Variants in JMJD1C observed in about 807,000 individuals in gnomAD.
JMJD1C encodes the protein jumonji domain containing 1C.
Under a neutral mutation model 245.3 loss-of-function variants are expected in JMJD1C, and 31 were observed. That is an observed-to-expected ratio of 0.13 (90% CI 0.09 to 0.17). The LOEUF (loss-of-function observed/expected upper bound fraction) is 0.17, where lower values mean the gene tolerates loss of function less well. JMJD1C is among the 10% of genes least tolerant of loss of function. The probability of loss-of-function intolerance (pLI) is 1.00; values close to 1 mark genes in which losing one functional copy is unlikely to be tolerated. For synonymous variants in JMJD1C, 1,057 were observed against 1,017.4 expected (o/e 1.04, Z -0.74); for missense variants, 2,691 against 3,000.2 (o/e 0.90, Z 2.41).
At position 63,263,959 on chromosome 10, in the gene JMJD1C, TACACACACACACACACAC is replaced by T. The variant is rs746833882; in HGVS notation, c.447+674_447+691del. ...AAAAAAAAAAAAAAAAAAATACACA[TACACACACACACACACAC>T]ACACACACACACACACACACACACA... On this transcript the variant is annotated intron_variant, in intron 3 of 25. Transcript: ENST00000399262. Among the ~76,000 whole-genome samples, 91 of 83,020 alleles carry T rather than the reference TACACACACACACACACAC, an allele frequency of 1.1e-3. 1 individual carries two copies. Among genetic ancestry groups the T allele is most frequent in the African/African-American group, 2.8e-3 (67 of 23,844 alleles). The allele number at this position is 83,020 out of a possible 152,430, so 54.5% of individuals were successfully genotyped here. A position where few individuals can be genotyped will look rare whatever the true frequency, so the allele number is the denominator to read the frequency against.
chr10:63,441,374 T>C (rs1035393884), intron 1 of JMJD1C, among the ~76,000 whole-genome samples: 4 of 152,238 alleles, frequency 2.6e-5, no homozygotes, highest in Non-Finnish European at 5.9e-5. Context: ...GAAATTCTTC[T>C]AGTCTCTTTA....
intron 2 of JMJD1C, among the ~76,000 whole-genome samples, chr10:63,349,126 A>AAAAAAAAG (rs71025163): frequency 6.7e-6 from 1 of 148,720 alleles, no homozygotes; most frequent in African/African-American, 2.5e-5. Flanking sequence ...AAAAAAAAAA[A>AAAAAAAAG]GCCTTCCCTC....
intron 21 of JMJD1C, among the ~76,000 whole-genome samples, chr10:63,183,916 G>A (rs746667515): frequency 8.3e-4 from 126 of 152,290 alleles, no homozygotes; most frequent in Middle Eastern, 3.4e-3. Context: ...AAAATCATTA[G>A]ACAATTTGTA....
chr10:63,438,812 T>C (rs1951202363), intron 1 of JMJD1C, among the ~76,000 whole-genome samples: 1 of 152,184 alleles, frequency 6.6e-6, no homozygotes, highest in Admixed American at 6.5e-5. Context: ...AGTCACCTAC[T>C]CGGAGAGGCA....
At chr10:63,428,769 C>T (rs1259938742) in intron 1 of JMJD1C, among the ~76,000 whole-genome samples, 1 of 152,176 alleles carries the variant, frequency 6.6e-6, no homozygotes, top group Non-Finnish European at 1.5e-5. Flanking sequence ...TGTATCTTAA[C>T]TTTCCCTTAT....
intron 1 of JMJD1C, among the ~76,000 whole-genome samples, chr10:63,518,053 A>C (rs558200330): frequency 2.6e-5 from 4 of 152,304 alleles, no homozygotes; most frequent in African/African-American, 9.6e-5. Flanking sequence ...TCGGCCTCCC[A>C]AAGTGCTGGG....
At chr10:63,375,579 C>T (rs1946674888) in intron 2 of JMJD1C, among the ~76,000 whole-genome samples, 1 of 151,086 alleles carries the variant, frequency 6.6e-6, no homozygotes, top group African/African-American at 2.4e-5. Context: ...GAGACAGGGT[C>T]TCACTCTGTC....
chr10:63,356,946 C>T (rs1409645531), intron 2 of JMJD1C, among the ~76,000 whole-genome samples: 3 of 152,150 alleles, frequency 2.0e-5, no homozygotes, highest in African/African-American at 4.8e-5. Flanking sequence ...ATAATAGTGT[C>T]TACCTCAAAA....
Position 63,267,312 on chromosome 10 carries a change from C to T in JMJD1C, c.334-2548G>A, listed in dbSNP as rs537464398. Among the ~76,000 whole-genome samples the T allele has an allele frequency of 1.2e-4, 19 of 152,068 alleles. No homozygotes were observed. The East Asian group carries it at 3.5e-3, about 28-fold the overall frequency. ...TATGAAGTGATATTAAAATACACCC[C>T]GGTTTTTTTAACTGGCAAAACAACC... On this transcript the variant is annotated intron_variant, in intron 2 of 25. Coordinates refer to ENST00000399262, the MANE Select transcript of JMJD1C (RefSeq NM_032776.3).
chr10:63,454,390 C>G (rs1209483482), intron 1 of JMJD1C, among the ~76,000 whole-genome samples: 1 of 151,568 alleles, frequency 6.6e-6, no homozygotes, highest in East Asian at 1.9e-4. Context: ...CCAGAGTAGC[C>G]GGGATTACAG....
intron 1 of JMJD1C, among the ~76,000 whole-genome samples, chr10:63,512,837 G>C (rs574080780): frequency 3.3e-5 from 5 of 151,928 alleles, no homozygotes; most frequent in Non-Finnish European, 5.9e-5. Flanking sequence ...TGCACCTTTG[G>C]CAGCTGTCTC....
intron 1 of JMJD1C, among the ~76,000 whole-genome samples, chr10:63,415,336 G>C (rs992579744): frequency 2.6e-5 from 4 of 151,972 alleles, no homozygotes; most frequent in African/African-American, 9.7e-5. Flanking sequence ...AACCTTATCA[G>C]AAAGTACCAA....
chr10:63,312,976 G>A (rs1170610483), intron 2 of JMJD1C, among the ~76,000 whole-genome samples: 3 of 152,026 alleles, frequency 2.0e-5, no homozygotes, highest in Admixed American at 1.3e-4. Flanking sequence ...GGTTTTTGGG[G>A]AACAGGTAGC....
intron 1 of JMJD1C, among the ~76,000 whole-genome samples, chr10:63,443,809 A>G (rs1352472410): frequency 6.6e-6 from 1 of 152,222 alleles, no homozygotes; most frequent in African/African-American, 2.4e-5. Context: ...GAAGTTATCT[A>G]GAAGTCCACC....
intron 1 of JMJD1C, among the ~76,000 whole-genome samples, chr10:63,464,361 G>A (rs993212648): frequency 6.6e-5 from 10 of 152,042 alleles, no homozygotes; most frequent in Admixed American, 2.0e-4. Context: ...ATTAAAATAG[G>A]TAGGTAAAAA....
rs532206925 is a variant in JMJD1C at position 63,316,950 on chromosome 10, C to T, written c.334-52186G>A. ...GCTTGGCTCACTGCAACATCCACCC[C>T]CTGGGTTAGAGCAATTCTCATGTCT... is the stretch of plus-strand genomic sequence containing the variant. On this transcript the variant is annotated intron_variant, in intron 2 of 25. Coordinates refer to ENST00000399262, the MANE Select transcript of JMJD1C (RefSeq NM_032776.3). 3.3e-5 allele frequency among the ~76,000 whole-genome samples: 5 copies of T among 152,262 alleles called. No homozygotes were observed. The South Asian group carries it at 1.0e-3, about 32-fold the overall frequency.
intron 1 of JMJD1C, among the ~76,000 whole-genome samples, chr10:63,389,922 T>C (rs1005897748): frequency 1.3e-5 from 2 of 152,110 alleles, no homozygotes; most frequent in African/African-American, 4.8e-5. Flanking sequence ...TCATAATTAA[T>C]ACCTATAACC....
At chr10:63,253,871 C>T (rs1853460482) in intron 3 of JMJD1C, among the ~76,000 whole-genome samples, 1 of 152,150 alleles carries the variant, frequency 6.6e-6, no homozygotes, top group African/African-American at 2.4e-5. Flanking sequence ...CTGGTCTCTG[C>T]TACTTACTAC....
At chr10:63,347,611 A>G (rs1213833670) in intron 2 of JMJD1C, among the ~76,000 whole-genome samples, 1 of 149,320 alleles carries the variant, frequency 6.7e-6, no homozygotes, top group Admixed American at 6.7e-5. Context: ...AAGAAAAGAA[A>G]AAGAAAAAAA....
Sources: gnomAD v4.1 joint callset for allele counts (sites outside exome capture counted in the v4.1 genomes callset) on GRCh38, gnomAD v4.1.1 for gene constraint, MANE v1.5 for transcripts, NCBI Gene and HGNC (gene_info 2026-07-23, HGNC 2026-07-21) for gene names.